The following WWOX variants were observed in gnomAD, a reference collection of about 807,000 sequenced individuals.
WWOX encodes WW domain-containing oxidoreductase.
In WWOX, 69 loss-of-function variants were observed where a neutral mutation model predicts 46.2. The ratio of observed to expected loss-of-function variants is 1.49; its 90% CI spans 1.23 to 1.82. The LOEUF (loss-of-function observed/expected upper bound fraction) is 1.82, where lower values mean the gene tolerates loss of function less well. WWOX is among the 40% of genes most tolerant of loss of function. WWOX has a pLI of 0.00. For synonymous variants in WWOX, 359 were observed against 202.6 expected (o/e 1.77, Z -6.56); for missense variants, 919 against 542.6 (o/e 1.69, Z -6.89).
chr16:78,638,073 T>A (rs2046617152), intron 8 of WWOX, among the ~76,000 whole-genome samples: 1 of 152,198 alleles, frequency 6.6e-6, no homozygotes, highest in South Asian at 2.1e-4. Context: ...CCGTACCGCT[T>A]TCCCCAATCC....
At chr16:78,445,760 C>G (rs1266444868) in intron 8 of WWOX, among the ~76,000 whole-genome samples, 30 of 151,992 alleles carry the variant, frequency 2.0e-4, no homozygotes, top group Admixed American at 1.7e-3. Flanking sequence ...TTCCTGTAGT[C>G]CCAGCTACTC....
chr16:79,074,472 G>T (rs1410865490), intron 8 of WWOX, among the ~76,000 whole-genome samples: 1 of 113,970 alleles, frequency 8.8e-6, no homozygotes, highest in Admixed American at 1.2e-4. Context: ...GGAGAGGCTG[G>T]CTGACCCATC....
intron 8 of WWOX, among the ~76,000 whole-genome samples, chr16:78,794,493 A>T (rs1306938266): frequency 2.6e-5 from 4 of 152,220 alleles, no homozygotes. Flanking sequence ...CCTTAGGCAA[A>T]ATACCCAAAC....
In WWOX at chr16:78,814,605, T is replaced by G. The variant is rs533334166; in HGVS notation, c.1056+381853T>G. Among the ~76,000 whole-genome samples the G allele has an allele frequency of 3.9e-5, 6 of 152,258 alleles. 1 individual carries two copies. In the South Asian group the frequency reaches 8.3e-4, roughly 21 times the overall value. The stretch of plus-strand genomic sequence containing the variant: ...CCAACCTATCCAATTTCAAGATGTA[T>G]CCTTTGTGGATTACATTGGTTCTTT... On this transcript the variant is annotated intron_variant, in intron 8 of 8. Coordinates refer to ENST00000566780, the MANE Select transcript of WWOX (RefSeq NM_016373.4).
chr16:78,823,815 C>G (rs752241203), intron 8 of WWOX, among the ~76,000 whole-genome samples: 7 of 150,568 alleles, frequency 4.6e-5, no homozygotes, highest in Non-Finnish European at 8.8e-5. Flanking sequence ...CTTGTTCTGT[C>G]TCCGAGCTAG....
intron 8 of WWOX, among the ~76,000 whole-genome samples, chr16:79,207,788 CTTT>C (rs35405085): frequency 6.6e-6 from 1 of 150,702 alleles, no homozygotes; most frequent in African/African-American, 2.4e-5. Context: ...TATGTGGGTG[CTTT>C]TTTTTTCTTT....
intron 8 of WWOX, among the ~76,000 whole-genome samples, chr16:78,925,828 A>G (rs2045484564): frequency 6.6e-6 from 1 of 152,174 alleles, no homozygotes; most frequent in Non-Finnish European, 1.5e-5. Context: ...GCCTCGCTGA[A>G]GCCCTAGTTC....
intron 8 of WWOX, among the ~76,000 whole-genome samples, chr16:78,572,536 G>A (rs536788100): frequency 6.8e-6 from 1 of 146,528 alleles, no homozygotes; most frequent in Middle Eastern, 3.6e-3. Flanking sequence ...CGGGAAGGTC[G>A]AGGCTGCAGT....
intron 8 of WWOX, among the ~76,000 whole-genome samples, chr16:78,889,212 C>A (rs774123666): frequency 2.8e-4 from 42 of 152,074 alleles, no homozygotes; most frequent in Admixed American, 4.6e-4. Flanking sequence ...TTTTCTGTTT[C>A]CTTAAGTAAA....
Position 78,633,747 on chromosome 16 carries a change from A to C in WWOX, c.1056+200995A>C, listed in dbSNP as rs547649205. Among the ~76,000 whole-genome samples, 4 of 152,314 alleles carry C rather than the reference A, an allele frequency of 2.6e-5. No individual in the cohort carries two copies. The East Asian group carries it at 5.8e-4, about 22-fold the overall frequency. On this transcript the variant is annotated intron_variant, in intron 8 of 8. Transcript: ENST00000566780. ...CAGGCCTGGCTTTCTTCTCCGACTT[A>C]TGTATGATTCATCAAGAGGACTCCA...
At chr16:78,786,037 G>C (rs565900949) in intron 8 of WWOX, among the ~76,000 whole-genome samples, 1 of 152,264 alleles carries the variant, frequency 6.6e-6, no homozygotes, top group Admixed American at 6.5e-5. Context: ...CTCCTGAGTA[G>C]CTGGGAATAC....
At chr16:79,081,422 C>T (rs992458887) in intron 8 of WWOX, among the ~76,000 whole-genome samples, 20 of 152,174 alleles carry the variant, frequency 1.3e-4, no homozygotes, top group African/African-American at 4.6e-4. Context: ...CTTTGGCCTC[C>T]CAAAGCGCTG....
chr16:78,243,015 C>G (rs780179229), intron 5 of WWOX, among the ~76,000 whole-genome samples: 7 of 151,292 alleles, frequency 4.6e-5, no homozygotes, highest in Admixed American at 4.6e-4. Flanking sequence ...CAAAAAAAAC[C>G]AAAAACAAAA....
intron 4 of WWOX, chr16:78,130,257 G>C (rs1597242618): frequency 6.6e-6 from 1 of 152,202 alleles, no homozygotes; most frequent in Non-Finnish European, 1.5e-5. Flanking sequence ...TAGATCATGA[G>C]GGTGGAGCCC....
intron 7 of WWOX, among the ~76,000 whole-genome samples, chr16:78,427,158 T>C (rs949938142): frequency 3.3e-5 from 5 of 152,138 alleles, no homozygotes; most frequent in African/African-American, 9.7e-5. Flanking sequence ...AGTGCTGATA[T>C]CTAATTACCT....
chr16:78,133,931 GACT>G (rs2033697324), intron 4 of WWOX, among the ~76,000 whole-genome samples: 1 of 152,188 alleles, frequency 6.6e-6, no homozygotes, highest in African/African-American at 2.4e-5. Context: ...ACAGTCAATG[GACT>G]GTAGATGCCT....
chr16:78,536,451 C>G (rs971409461), intron 8 of WWOX, among the ~76,000 whole-genome samples: 1 of 151,888 alleles, frequency 6.6e-6, no homozygotes, highest in African/African-American at 2.4e-5. Flanking sequence ...TGAATGCAGC[C>G]TTGCCCACTG....
chr16:78,868,124 C>T (rs2044046563), intron 8 of WWOX, among the ~76,000 whole-genome samples: 1 of 152,140 alleles, frequency 6.6e-6, no homozygotes. Flanking sequence ...GCCGGAAATA[C>T]CCAAATGTCC....
intron 8 of WWOX, among the ~76,000 whole-genome samples, chr16:79,091,293 T>G (rs954189913): frequency 1.3e-5 from 2 of 152,182 alleles, no homozygotes; most frequent in African/African-American, 4.8e-5. Flanking sequence ...CTGCTTTTTT[T>G]TTTCTCACCT....
Sources: allele counts gnomAD v4.1 joint callset (sites outside exome capture counted in the v4.1 genomes callset), GRCh38; gene constraint gnomAD v4.1.1; transcripts MANE v1.5; gene names NCBI Gene and HGNC (gene_info 2026-07-23, HGNC 2026-07-21).